Variants in GRID1 observed in about 807,000 individuals in gnomAD.
GRID1 encodes the protein glutamate ionotropic receptor delta type subunit 1.
Under a neutral mutation model 98.0 loss-of-function variants are expected in GRID1, and 28 were observed. The observed-to-expected ratio is 0.29, with a 90% CI of 0.21 to 0.39. The LOEUF (loss-of-function observed/expected upper bound fraction) is 0.39, where lower values mean the gene tolerates loss of function less well. GRID1 is among the 10% of genes least tolerant of loss of function. The pLI is 1.00. For missense variants in GRID1, 1,111 were observed against 1,340.5 expected (o/e 0.83, Z 2.67); for synonymous variants, 553 against 538.5 (o/e 1.03, Z -0.37).
chr10:86,101,289 T>A (rs544178129), intron 4 of GRID1, among the ~76,000 whole-genome samples: 3 of 152,308 alleles, frequency 2.0e-5, no homozygotes, highest in South Asian at 4.1e-4. Context: ...TAAATCAAAG[T>A]GTAATTTACA....
At chr10:86,156,941 G>C (rs140540757) in intron 3 of GRID1, among the ~76,000 whole-genome samples, 1 of 152,202 alleles carries the variant, frequency 6.6e-6, no homozygotes, top group East Asian at 1.9e-4. Context: ...TGACAGGCAG[G>C]CTCCAAGGGG....
intron 4 of GRID1, among the ~76,000 whole-genome samples, chr10:86,083,405 GA>G (rs1844005483): frequency 6.6e-6 from 1 of 152,178 alleles, no homozygotes; most frequent in Non-Finnish European, 1.5e-5. Flanking sequence ...GAACAGCAGT[GA>G]AGTGCATGGT....
At chr10:85,841,568 T>G (rs1842961627) in intron 8 of GRID1, among the ~76,000 whole-genome samples, 1 of 152,124 alleles carries the variant, frequency 6.6e-6, no homozygotes, top group Admixed American at 6.6e-5. Context: ...TGAGATAAAA[T>G]TTTTGCAAAC....
chr10:85,791,994 G>C (rs930896545), intron 8 of GRID1, among the ~76,000 whole-genome samples: 1 of 152,130 alleles, frequency 6.6e-6, no homozygotes. Flanking sequence ...CCAGGCAGGA[G>C]GCCAGGGAGC....
At chr10:86,087,800 C>T (rs187107765) in intron 4 of GRID1, among the ~76,000 whole-genome samples, 13 of 152,254 alleles carry the variant, frequency 8.5e-5, no homozygotes, top group Non-Finnish European at 1.8e-4. Context: ...CCTCCCAGCC[C>T]GCAACCACTG....
intron 2 of GRID1, among the ~76,000 whole-genome samples, chr10:86,244,668 C>G (rs905796858): frequency 2.6e-5 from 4 of 152,236 alleles, no homozygotes; most frequent in Non-Finnish European, 5.9e-5. Context: ...CCCCTTTACC[C>G]TCTCGTGGAT....
intron 8 of GRID1, among the ~76,000 whole-genome samples, chr10:85,739,382 C>A (rs867596688): frequency 2.0e-5 from 3 of 152,008 alleles, no homozygotes; most frequent in African/African-American, 7.2e-5. Flanking sequence ...GAGATTGAGA[C>A]CAACCCAGGC....
intron 4 of GRID1, among the ~76,000 whole-genome samples, chr10:85,985,347 C>CT (rs1842596024): frequency 6.6e-6 from 1 of 152,200 alleles, no homozygotes. Flanking sequence ...CCATAAAACT[C>CT]TATTTCCTGA....
intron 5 of GRID1, among the ~76,000 whole-genome samples, chr10:85,879,945 C>T (rs1490121532): frequency 6.6e-6 from 1 of 152,040 alleles, no homozygotes; most frequent in Non-Finnish European, 1.5e-5. Context: ...GGTATATCAC[C>T]ACCGATCCCA....
intron 4 of GRID1, among the ~76,000 whole-genome samples, chr10:85,979,138 C>A (rs1041963219): frequency 4.6e-5 from 7 of 152,062 alleles, no homozygotes; most frequent in African/African-American, 2.4e-5. Context: ...AGCTGAGGAC[C>A]AAGGTTGTGA....
chr10:85,953,571 A>G (rs1474065537), intron 4 of GRID1, among the ~76,000 whole-genome samples: 1 of 152,216 alleles, frequency 6.6e-6, no homozygotes, highest in Non-Finnish European at 1.5e-5. Flanking sequence ...CAGACTATGT[A>G]TAACTAAAAA....
intron 12 of GRID1, among the ~76,000 whole-genome samples, chr10:85,696,961 T>C (rs1478131536): frequency 6.6e-6 from 1 of 152,100 alleles, no homozygotes; most frequent in African/African-American, 2.4e-5. Flanking sequence ...TATTGATTTT[T>C]AAAGTAATTA....
At chr10:86,106,895 G>A (rs1844397231) in intron 4 of GRID1, among the ~76,000 whole-genome samples, 1 of 152,118 alleles carries the variant, frequency 6.6e-6, no homozygotes, top group South Asian at 2.1e-4. Flanking sequence ...CAGGGGTGAA[G>A]AGGAAAATGA....
At chr10:86,066,046 G>C (rs1674996900) in intron 4 of GRID1, among the ~76,000 whole-genome samples, 1 of 152,214 alleles carries the variant, frequency 6.6e-6, no homozygotes, top group Admixed American at 6.5e-5. Flanking sequence ...TAGTCACTTA[G>C]CTGACAAGCA....
chr10:86,164,753 G>A (rs1333765275), intron 3 of GRID1, among the ~76,000 whole-genome samples: 1 of 152,110 alleles, frequency 6.6e-6, no homozygotes, highest in African/African-American at 2.4e-5. Flanking sequence ...AAAGCTGAAG[G>A]TTTGGCTTCC....
At chr10:86,290,318 G>T (rs1174129930) in intron 2 of GRID1, among the ~76,000 whole-genome samples, 1 of 152,146 alleles carries the variant, frequency 6.6e-6, no homozygotes, top group Non-Finnish European at 1.5e-5. Flanking sequence ...GAGCGTTGGG[G>T]TGCTCCTGGG....
chr10:85,748,004 T>C (rs945881023), intron 8 of GRID1, among the ~76,000 whole-genome samples: 3 of 152,114 alleles, frequency 2.0e-5, no homozygotes, highest in African/African-American at 7.2e-5. Context: ...CATTACTTTG[T>C]AAGATTAGAG....
chr10:85,862,526 A>C (rs1843173225), intron 6 of GRID1, among the ~76,000 whole-genome samples: 2 of 152,146 alleles, frequency 1.3e-5, no homozygotes, highest in African/African-American at 4.8e-5. Flanking sequence ...ATAAATTTCC[A>C]ACATCAGTTG....
intron 8 of GRID1, among the ~76,000 whole-genome samples, chr10:85,818,880 G>A (rs1337205270): frequency 6.6e-6 from 1 of 152,030 alleles, no homozygotes; most frequent in African/African-American, 2.4e-5. Context: ...ACCACACCTG[G>A]ATAATTTTTT....
Sources: gnomAD v4.1 joint callset for allele counts (sites outside exome capture counted in the v4.1 genomes callset) on GRCh38, gnomAD v4.1.1 for gene constraint, MANE v1.5 for transcripts, NCBI Gene and HGNC (gene_info 2026-07-23, HGNC 2026-07-21) for gene names.